KDM4A: variants seen among roughly 807,000 people sequenced by gnomAD.
KDM4A encodes the protein lysine-specific demethylase 4A.
KDM4A carries 23 observed loss-of-function variants against 127.1 expected under a neutral mutation model. The observed-to-expected ratio is 0.18, with a 90% CI of 0.13 to 0.26. KDM4A has a LOEUF of 0.26. Ranked by LOEUF, KDM4A falls within the 10% of genes least tolerant of loss-of-function variation. KDM4A has a pLI of 1.00. For missense variants in KDM4A, 890 were observed against 1,329.1 expected, an observed-to-expected ratio of 0.67 and a Z score of 5.14; for synonymous variants, 443 against 466.5, an observed-to-expected ratio of 0.95 and a Z score of 0.65.
At chr1:43,685,712 G>C (rs1005477536) in intron 12 of KDM4A, among the ~76,000 whole-genome samples, 5 of 152,136 alleles carry the variant, frequency 3.3e-5, no homozygotes, top group African/African-American at 1.2e-4. Flanking sequence ...AATTTGCAGT[G>C]AGCTGAGACC....
At chr1:43,685,030 TG>T (rs1660939954) in intron 12 of KDM4A, among the ~76,000 whole-genome samples, 1 of 152,044 alleles carries the variant, frequency 6.6e-6, no homozygotes, top group South Asian at 2.1e-4. Flanking sequence ...CTATGGAGGA[TG>T]TAGACTTAGG....
rs1384118792 is a variant in KDM4A, at chr1:43,666,435, C to T, written c.674-17C>T. 1.2e-6 allele frequency: 2 copies of T among 1,605,058 alleles called. No homozygotes were observed. Among genetic ancestry groups the T allele is most frequent in the Admixed American group, 3.3e-5 (2 of 59,990 alleles). On this transcript the variant is annotated splice_polypyrimidine_tract_variant and intron_variant, in intron 6 of 21. Transcript: ENST00000372396. The stretch of plus-strand genomic sequence containing the variant: ...GTGTGGAGCACTGTGTTAACCTGTA[C>T]CCTTTCAATTAAATAGGCTTTTTCC...
Position 43,655,843 on chromosome 1 carries a change from C to CT in KDM4A, c.314+78dup. On this transcript the variant is annotated intron_variant, in intron 3 of 21. Transcript: ENST00000372396. ...CATCCTCCTAGCATCTCCAGGACTGCTGCTGTCCTGATGAACAGTGTCTTC... is the reference window on the plus strand; with the variant it reads ...CATCCTCCTAGCATCTCCAGGACTGCTTGCTGTCCTGATGAACAGTGTCTTC... 3 of 1,236,366 alleles carry CT rather than the reference C, an allele frequency of 2.4e-6. No individual in the cohort carries two copies. In the East Asian group the frequency reaches 7.5e-5, roughly 31 times the overall value. The allele number at this position is 1,236,366 out of a possible 1,614,324, so 76.6% of individuals were successfully genotyped here. A position where few individuals can be genotyped will look rare whatever the true frequency, so the allele number is the denominator to read the frequency against.
Position 43,694,776 on chromosome 1 carries a change from G to A in KDM4A, c.2552G>A (p.Arg851His). The change falls in exon 18 of 22, where the codon CGC becomes CAC. Residue 851 changes from arginine to histidine, a missense_variant. Physicochemically the swap from Arg to His is conservative, Grantham distance 29 (BLOSUM62 0). Around this residue, in one of 7 missense-constraint regions of KDM4A, gnomAD observed 246 missense variants for 418.4 expected, o/e 0.59. Transcript: ENST00000372396. The surrounding 1 kb of genome is among the most constrained non-coding windows in gnomAD (Gnocchi z 5.2). ...TGCTGTGTGCAGTGTTCTCACGGCC[G>A]CTGCCCAACTGCCTTCCATGTGAGC... is the stretch of plus-strand genomic sequence containing the variant. ...AGCCVQCSHG[R>H]CPTAFHVSCA... 1.9e-6 allele frequency: 3 copies of A among 1,614,068 alleles called. No individual in the cohort carries two copies. Among genetic ancestry groups the A allele is most frequent in the Non-Finnish European group, 2.5e-6 (3 of 1,179,962 alleles).
intron 11 of KDM4A, among the ~76,000 whole-genome samples, chr1:43,683,353 G>C (rs973972065): frequency 6.6e-6 from 1 of 152,196 alleles, no homozygotes; most frequent in African/African-American, 2.4e-5. Context: ...GGGCCACCTT[G>C]GTAGTCTCAT....
At chr1:43,698,117 C>G in intron 19 of KDM4A, 104 bp downstream of exon 19, 1 of 1,071,638 alleles carries the variant, frequency 9.3e-7, no homozygotes. Flanking sequence ...AGCCAGGTCC[C>G]TGGTCCCATC....
At chr1:43,701,858 A>C (rs557749338) in intron 19 of KDM4A, among the ~76,000 whole-genome samples, 2 of 152,354 alleles carry the variant, frequency 1.3e-5, no homozygotes, top group South Asian at 4.1e-4. Flanking sequence ...CTCAAACAAC[A>C]CAGATAGATT....
At chr1:43,657,619 C>T (rs1660274598) in intron 3 of KDM4A, among the ~76,000 whole-genome samples, 1 of 152,156 alleles carries the variant, frequency 6.6e-6, no homozygotes, top group East Asian at 1.9e-4. Context: ...ATCCTTCCTG[C>T]CATCCTTATT....
intron 3 of KDM4A, among the ~76,000 whole-genome samples, chr1:43,656,667 C>A (rs1450397235): frequency 6.6e-6 from 1 of 151,324 alleles, no homozygotes; most frequent in South Asian, 2.1e-4. Flanking sequence ...GTTTAGTTCT[C>A]ATTTTTCCTG....
intron 1 of KDM4A, among the ~76,000 whole-genome samples, chr1:43,651,824 G>A (rs867003249): frequency 6.6e-6 from 1 of 152,176 alleles, no homozygotes; most frequent in Non-Finnish European, 1.5e-5. Context: ...TAAAAACAAA[G>A]TATTTATTTT....
At chr1:43,657,341 T>C (rs1219943741) in intron 3 of KDM4A, among the ~76,000 whole-genome samples, 1 of 152,016 alleles carries the variant, frequency 6.6e-6, no homozygotes, top group African/African-American at 2.4e-5. Flanking sequence ...CAGCTGGGAT[T>C]ACAGGCGCCC....
Position 43,662,912 on chromosome 1 carries a change from A to G in KDM4A, c.448A>G (p.Ile150Val). The part of the protein sequence containing the change: ...LYEKHVDEWN[I>V]GRLRTILDLV... ...TTTGCAGCATGTTGATGAGTGGAAT[A>G]TTGGCCGGCTGAGAACAATCCTGGA... The change falls in exon 5 of 22, where the codon ATT (isoleucine) becomes GTT (valine). Residue 150 changes from isoleucine to valine, a missense_variant. Transcript: ENST00000372396. 6.2e-7 allele frequency: 1 copy of G among 1,612,676 alleles called. No homozygotes were observed. Among genetic ancestry groups the G allele is most frequent in the Non-Finnish European group, 8.5e-7 (1 of 1,179,238 alleles).
Position 43,687,260 on chromosome 1 carries a change from A to G in KDM4A, c.1856-1654A>G, listed in dbSNP as rs148246519. ...AGATGCCTTCAGATTAAACATGACT[A>G]TGAGGGCAGCGTAGAATACTATCTG... On this transcript the variant is annotated intron_variant, in intron 12 of 21. Transcript: ENST00000372396. 8.5e-3 allele frequency among the ~76,000 whole-genome samples: 1,290 copies of G among 152,330 alleles called. 16 individuals are homozygous for G. The highest frequency in any genetic ancestry group is 0.029 in the African/African-American group (1,220 of 41,572).
intron 19 of KDM4A, among the ~76,000 whole-genome samples, chr1:43,701,859 CAGAT>C (rs1339338440): frequency 3.3e-5 from 5 of 152,226 alleles, no homozygotes; most frequent in Admixed American, 6.5e-5. Flanking sequence ...TCAAACAACA[CAGAT>C]AGATTTCTTT....
intron 11 of KDM4A, among the ~76,000 whole-genome samples, chr1:43,674,692 T>C (rs1052509825): frequency 4.6e-5 from 7 of 150,788 alleles, no homozygotes; most frequent in Non-Finnish European, 7.4e-5. Flanking sequence ...AATTTTTGTA[T>C]TTTTTTTAGT....
intron 11 of KDM4A, among the ~76,000 whole-genome samples, chr1:43,681,195 C>T (rs952238362): frequency 2.6e-5 from 4 of 152,170 alleles, no homozygotes; most frequent in African/African-American, 9.7e-5. Flanking sequence ...TGGCCACTTC[C>T]CTGCTCAGCT....
At position 43,704,423 on chromosome 1, in the gene KDM4A, T is replaced by C. The variant is rs1661495410; in HGVS notation, c.*53T>C. On this transcript the variant is annotated 3_prime_UTR_variant, in exon 22 of 22. Coordinates refer to ENST00000372396, the MANE Select transcript of KDM4A (RefSeq NM_014663.3). ...GCCATCCAGGCAAGAGCACTCTGGG[T>C]TCCACAGCACAGCAGACATGGAACG... is the stretch of plus-strand genomic sequence containing the variant. 1.3e-6 allele frequency: 2 copies of C among 1,562,748 alleles called. No individual in the cohort carries two copies. The highest frequency in any genetic ancestry group is 3.8e-5 in the Admixed American group (2 of 53,244).
chr1:43,669,235 C>T lies in KDM4A; in HGVS notation c.1299C>T (p.Ala433=), dbSNP rs762401054. ...ATGAGATGACGGAGTGCCCGGCAGC[C>T]CTCGCCCCTGTGAGGCCCACCCATA... ...EQYEMTECPA[A]LAPVRPTHSS... is the part of the protein sequence containing the mutation. The change falls in exon 10 of 22, where the codon GCC becomes GCT. Residue 433 remains alanine, a synonymous_variant. Transcript: ENST00000372396. 2 of 1,614,126 alleles carry T rather than the reference C, an allele frequency of 1.2e-6. No homozygotes were observed. Among genetic ancestry groups the T allele is most frequent in the African/African-American group, 1.3e-5 (1 of 75,010 alleles).
At chr1:43,684,153 C>T (rs550346180) in intron 12 of KDM4A, among the ~76,000 whole-genome samples, 80 of 152,242 alleles carry the variant, frequency 5.3e-4, no homozygotes, top group African/African-American at 1.7e-3. Flanking sequence ...AAGATATGTC[C>T]GTGCCCTCAA....
Sources: gnomAD v4.1 joint callset for allele counts (sites outside exome capture counted in the v4.1 genomes callset) on GRCh38, gnomAD v4.1.1 for gene constraint, gnomAD v4.1.1 regional missense constraint, Gnocchi (gnomAD v3.1) non-coding constraint, MANE v1.5 for transcripts, NCBI Gene and HGNC (gene_info 2026-07-23, HGNC 2026-07-21) for gene names.